The following UPF2 variants were observed in gnomAD, a reference collection of about 807,000 sequenced individuals.
UPF2 encodes the protein UPF2 regulator of nonsense mediated mRNA decay, also known as regulator of nonsense transcripts 2.
In UPF2, 17 loss-of-function variants were observed where a neutral mutation model predicts 141.4. That is an observed-to-expected ratio of 0.12 (90% CI 0.08 to 0.18). The LOEUF (loss-of-function observed/expected upper bound fraction) is 0.18. Among genes scored for constraint, UPF2 ranks in the 10% least tolerant of loss-of-function variants. The pLI is 1.00. For missense variants in UPF2, 1,152 were observed against 1,515.9 expected, an observed-to-expected ratio of 0.76 and a Z score of 3.99; for synonymous variants, 540 against 498.0, an observed-to-expected ratio of 1.08 and a Z score of -1.12.
chr10:11,931,007 A>G lies in UPF2; in HGVS notation c.3688+634T>C, dbSNP rs11594343. On this transcript the variant is annotated intron_variant, in intron 20 of 21. Coordinates refer to ENST00000357604, the MANE Select transcript of UPF2 (RefSeq NM_015542.4). This position sits in a 1 kb window ranked among gnomAD's most constrained non-coding sequence, Gnocchi z 5.9. ...CATGGACTCGATGTGTAAGGTTCCA[A>G]CTAACTGAAAAATGCTGGGTATGTA... Among the ~76,000 whole-genome samples the G allele has an allele frequency of 0.06, 9,157 of 152,278 alleles. 380 individuals are homozygous for G. The highest frequency in any genetic ancestry group is 0.092 in the Non-Finnish European group (6,270 of 68,020).
Position 11,955,717 on chromosome 10 carries a change from C to T in UPF2, c.2575-210G>A, listed in dbSNP as rs78995566. ...CTTTAAAGTGTTTTCATAAAAAGAA[C>T]ATGTTAGGTATTAAATTTAGCTATC... On this transcript the variant is annotated intron_variant, in intron 13 of 21. Coordinates refer to ENST00000357604, the MANE Select transcript of UPF2 (RefSeq NM_015542.4). Among the ~76,000 whole-genome samples the T allele has an allele frequency of 2.5e-4, 38 of 152,264 alleles. 1 individual carries two copies. The East Asian group carries it at 6.5e-3, about 26-fold the overall frequency.
intron 5 of UPF2, 115 bp from the exon 6 acceptor site, chr10:12,001,940 C>T (rs1833959542): frequency 1.1e-6 from 1 of 916,890 alleles, no homozygotes; most frequent in South Asian, 2.1e-5. Context: ...GCATGTATAC[C>T]TGGCAACTGA....
Position 11,959,444 on chromosome 10 carries a change from A to G in UPF2, c.2185-88T>C. On this transcript the variant is annotated intron_variant, in intron 11 of 21. Transcript: ENST00000357604. The surrounding 1 kb of genome is among the most constrained non-coding windows in gnomAD (Gnocchi z 5.9). Reference sequence around the variant, plus strand: ...AAACTTCTATTCTCAGTGATTTGCTATTTCAAAGTAATGGGTTAGAAAGGC... The same window carrying G: ...AAACTTCTATTCTCAGTGATTTGCTGTTTCAAAGTAATGGGTTAGAAAGGC... 7.2e-7 allele frequency: 1 copy of G among 1,380,740 alleles called. No homozygotes were observed. The highest frequency in any genetic ancestry group is 2.5e-5 in the East Asian group (1 of 40,724). 85.5% of individuals were successfully genotyped at this position (1,380,740 alleles called of 1,614,324 possible). A position where few individuals can be genotyped will look rare whatever the true frequency, so the allele number is the denominator to read the frequency against.
intron 6 of UPF2, among the ~76,000 whole-genome samples, chr10:12,000,279 T>C (rs529724749): frequency 9.2e-5 from 14 of 152,318 alleles, no homozygotes; most frequent in African/African-American, 2.4e-4. Context: ...TGCAGTGTTA[T>C]GGTAAATGTT....
chr10:11,948,780 T>G (rs543850739), intron 15 of UPF2, among the ~76,000 whole-genome samples: 1 of 152,210 alleles, frequency 6.6e-6, no homozygotes, highest in South Asian at 2.1e-4. Flanking sequence ...CAGCTTTAAA[T>G]ACTTGGATAA....
chr10:12,039,911 G>T (rs7090241), intron 1 of UPF2, among the ~76,000 whole-genome samples: 57,647 of 151,976 alleles, frequency 0.38, 13,119 homozygotes, highest in Non-Finnish European at 0.5. Flanking sequence ...ATGAGCCACT[G>T]TGGCTGGCAG....
intron 2 of UPF2, among the ~76,000 whole-genome samples, chr10:12,030,908 C>T (rs1267069443): frequency 6.6e-6 from 1 of 150,508 alleles, no homozygotes; most frequent in Non-Finnish European, 1.5e-5. Context: ...GGCACGGTGG[C>T]TCATGCCTGT....
At chr10:11,927,402 G>C (rs952333651) in intron 21 of UPF2, among the ~76,000 whole-genome samples, 1 of 152,136 alleles carries the variant, frequency 6.6e-6, no homozygotes, top group African/African-American at 2.4e-5. Flanking sequence ...TACTTTTATT[G>C]GCAAAAACCG....
rs1478762076 is a variant in UPF2, at chr10:11,959,781, CAG to C, written c.2185-427_2185-426del. ...TTAAAAAAAACAAAACAAAAACACACAGAGAGGTGGGGGTGGTGAGACAAAAA... is the reference window on the plus strand; with the variant it reads ...TTAAAAAAAACAAAACAAAAACACACAGAGGTGGGGGTGGTGAGACAAAAA... On this transcript the variant is annotated intron_variant, in intron 11 of 21. Coordinates refer to ENST00000357604, the MANE Select transcript of UPF2 (RefSeq NM_015542.4). The surrounding 1 kb of genome is among the most constrained non-coding windows in gnomAD (Gnocchi z 5.9). 6.6e-6 allele frequency among the ~76,000 whole-genome samples: 1 copy of C among 151,944 alleles called. No individual in the cohort carries two copies. Among genetic ancestry groups the C allele is most frequent in the Non-Finnish European group, 1.5e-5 (1 of 67,964 alleles).
At position 11,936,108 on chromosome 10, in the gene UPF2, G is replaced by A. The variant is rs564016171; in HGVS notation, c.3546+437C>T. On this transcript the variant is annotated intron_variant, in intron 19 of 21. Transcript: ENST00000357604. This position sits in a 1 kb window ranked among gnomAD's most constrained non-coding sequence, Gnocchi z 6.6. ...TAAGGGGCCAAGTGCAGTTGCTCAC[G>A]CCTATAATCCAAGCACTTTGGGAGG... Among the ~76,000 whole-genome samples the A allele has an allele frequency of 4.6e-5, 7 of 152,206 alleles. No homozygotes were observed. The highest frequency in any genetic ancestry group is 3.9e-4 in the East Asian group (2 of 5,180).
intron 14 of UPF2, 27 bp from the exon 15 acceptor site, chr10:11,952,276 G>A: frequency 1.3e-6 from 2 of 1,553,114 alleles, no homozygotes; most frequent in Non-Finnish European, 1.7e-6. Context: ...AATAAATTTA[G>A]CTATAAGAAA....
chr10:11,947,786 C>CAAAAA (rs58897556), intron 16 of UPF2, among the ~76,000 whole-genome samples: 29 of 65,538 alleles, frequency 4.4e-4, no homozygotes, highest in South Asian at 3.3e-3. Context: ...AACCTTGTCT[C>CAAAAA]AAAAAAAAAA....
At position 11,920,943 on chromosome 10, in the gene UPF2, T is replaced by G. The variant is rs553171419; in HGVS notation, c.*355A>C. ...GTTCATTTCCCCCACACCATTACCA[T>G]CACAACCCGTTTCTTCTCTGGCTCA... is the stretch of plus-strand genomic sequence containing the variant. On this transcript the variant is annotated 3_prime_UTR_variant, in exon 22 of 22. Coordinates refer to ENST00000357604, the MANE Select transcript of UPF2 (RefSeq NM_015542.4). The G allele has an allele frequency of 1.9e-6, 1 of 527,262 alleles. No homozygotes were observed. The highest frequency in any genetic ancestry group is 1.5e-5 in the South Asian group (1 of 68,038). The allele number at this position is 527,262 out of a possible 1,614,324, so 32.7% of individuals were successfully genotyped here. A position where few individuals can be genotyped will look rare whatever the true frequency, so the allele number is the denominator to read the frequency against.
In UPF2 at chr10:12,022,671, A is replaced by AATACTACCAATTAATTAATTGGTAT. The variant is rs1266261834; in HGVS notation, c.1145+6049_1145+6073dup. Among the ~76,000 whole-genome samples, 10 of 152,260 alleles carry AATACTACCAATTAATTAATTGGTAT rather than the reference A, an allele frequency of 6.6e-5. 1 individual carries two copies. In the East Asian group the frequency reaches 1.9e-3, roughly 29 times the overall value. Reference sequence around the variant, plus strand: ...AGAAGTAACATCTTAATTGTGCTTAAATACTACCAATTAATTAATTGGTAT... The same window carrying AATACTACCAATTAATTAATTGGTAT: ...AGAAGTAACATCTTAATTGTGCTTAAATACTACCAATTAATTAATTGGTATATACTACCAATTAATTAATTGGTAT... On this transcript the variant is annotated intron_variant, in intron 3 of 21. Coordinates refer to ENST00000357604, the MANE Select transcript of UPF2 (RefSeq NM_015542.4).
chr10:12,024,183 T>C (rs1339030051), intron 3 of UPF2, among the ~76,000 whole-genome samples: 1 of 150,950 alleles, frequency 6.6e-6, no homozygotes, highest in African/African-American at 2.4e-5. Context: ...AGATGAGAGG[T>C]GCAGTGGCTC....
At chr10:12,025,106 C>T (rs1834395888) in intron 3 of UPF2, among the ~76,000 whole-genome samples, 1 of 152,240 alleles carries the variant, frequency 6.6e-6, no homozygotes, top group East Asian at 1.9e-4. Context: ...AGTCACGTAT[C>T]TGCATCTTCT....
intron 8 of UPF2, among the ~76,000 whole-genome samples, chr10:11,993,323 T>C (rs751335394): frequency 1.3e-5 from 2 of 151,992 alleles, no homozygotes; most frequent in East Asian, 1.9e-4. Context: ...AACAGTAATA[T>C]ACAGAAAGCT....
rs750812610 is a variant in UPF2, at chr10:12,019,719, G to C, written c.1146-5535C>G. 3.3e-5 allele frequency among the ~76,000 whole-genome samples: 5 copies of C among 152,098 alleles called. No individual in the cohort carries two copies. Among genetic ancestry groups the C allele is most frequent in the South Asian group, 4.1e-4 (2 of 4,822 alleles). ...GTACGTCAGTCCTTGATTTTATGGAGTGTTTTTTTTTGTTTTGTTTTTGAG... is the reference window on the plus strand; with the variant it reads ...GTACGTCAGTCCTTGATTTTATGGACTGTTTTTTTTTGTTTTGTTTTTGAG... On this transcript the variant is annotated intron_variant, in intron 3 of 21. Transcript: ENST00000357604. The surrounding 1 kb of genome is among the most constrained non-coding windows in gnomAD (Gnocchi z 4.5).
intron 3 of UPF2, among the ~76,000 whole-genome samples, chr10:12,024,810 G>A (rs1834385504): frequency 6.6e-6 from 1 of 151,292 alleles, no homozygotes; most frequent in Non-Finnish European, 1.5e-5. Context: ...GCACGTGCCT[G>A]TAGTCTCAGC....
Sources: allele counts gnomAD v4.1 joint callset (sites outside exome capture counted in the v4.1 genomes callset), GRCh38; gene constraint gnomAD v4.1.1; non-coding constraint Gnocchi (gnomAD v3.1); transcripts MANE v1.5; gene names NCBI Gene and HGNC (gene_info 2026-07-23, HGNC 2026-07-21).